Variants in NR2C1 observed in about 807,000 individuals in gnomAD.
NR2C1 encodes the protein nuclear receptor subfamily 2 group C member 1.
A neutral mutation model predicts 74.8 loss-of-function variants in NR2C1; 33 were observed. The ratio of observed to expected loss-of-function variants is 0.44; its 90% CI spans 0.33 to 0.59. The LOEUF is 0.59. Among genes scored for constraint, NR2C1 ranks in the 20% least tolerant of loss-of-function variants. The pLI is 0.02. For synonymous variants in NR2C1, 225 were observed against 240.6 expected (o/e 0.94, Z 0.60); for missense variants, 568 against 715.6 (o/e 0.79, Z 2.35).
At position 95,022,032 on chromosome 12, in the gene NR2C1, G is replaced by C. The variant is rs1868826455; in HGVS notation, c.*197C>G. On this transcript the variant is annotated 3_prime_UTR_variant, in exon 14 of 14. Transcript: ENST00000333003. ...TTTCATATTCATTTAAAGGAATCAG[G>C]AAGAAAAATTCATTTAATTTCTGCT... 2 of 442,652 alleles carry C rather than the reference G, an allele frequency of 4.5e-6. No homozygotes were observed. The highest frequency in any genetic ancestry group is 7.9e-6 in the Non-Finnish European group (2 of 254,746). The allele number at this position is 442,652 out of a possible 1,614,324, so 27.4% of individuals were successfully genotyped here. A position where few individuals can be genotyped will look rare whatever the true frequency, so the allele number is the denominator to read the frequency against.
rs185450226 is a variant in NR2C1, at chr12:95,054,453, T to G, written c.784-2510A>C. 1.0e-3 allele frequency among the ~76,000 whole-genome samples: 157 copies of G among 152,170 alleles called. 1 individual carries two copies. The highest frequency in any genetic ancestry group is 3.7e-3 in the African/African-American group (153 of 41,534). ...TCCCAAACAGCTGGGACTACAGGCA[T>G]GTACCACCATGCCTGGGTAATTTTT... On this transcript the variant is annotated intron_variant, in intron 7 of 13. Coordinates refer to ENST00000333003, the MANE Select transcript of NR2C1 (RefSeq NM_003297.4).
intron 2 of NR2C1, among the ~76,000 whole-genome samples, chr12:95,065,311 T>C (rs1875503253): frequency 2.6e-5 from 4 of 152,098 alleles, no homozygotes; most frequent in Admixed American, 2.6e-4. Flanking sequence ...GCCTCCTGAG[T>C]AGCTGGGATT....
At chr12:95,057,922 C>T (rs200270347) in intron 5 of NR2C1, 44 bp from the exon 6 acceptor site, 8 of 1,539,332 alleles carry the variant, frequency 5.2e-6, no homozygotes, top group Non-Finnish European at 7.2e-6. Flanking sequence ...ATAGGATTTA[C>T]AGACAATTAG....
intron 1 of NR2C1, chr12:95,072,720 A>C (rs1045185681): frequency 6.6e-6 from 1 of 152,278 alleles, no homozygotes; most frequent in African/African-American, 2.4e-5. Flanking sequence ...ATTTCTTAAC[A>C]AAAGAGCTAT....
At chr12:95,056,086 T>C (rs919571080) in intron 7 of NR2C1, among the ~76,000 whole-genome samples, 23 of 150,346 alleles carry the variant, frequency 1.5e-4, no homozygotes, top group Non-Finnish European at 3.4e-4. Context: ...GGTAACACAA[T>C]GAAACTCGGT....
chr12:95,036,294 CG>C (rs1451782314), intron 10 of NR2C1, among the ~76,000 whole-genome samples: 1 of 138,988 alleles, frequency 7.2e-6, no homozygotes, highest in Admixed American at 7.0e-5. Context: ...AAAAAAAGGC[CG>C]GATATGATGG....
Position 95,067,362 on chromosome 12 carries a change from G to A in NR2C1, c.23C>T (p.Ala8Val). 1 of 1,613,640 alleles carries A rather than the reference G, an allele frequency of 6.2e-7. No individual in the cohort carries two copies. Among genetic ancestry groups the A allele is most frequent in the Non-Finnish European group, 8.5e-7 (1 of 1,179,688 alleles). The change falls in exon 2 of 14, where the codon GCA (alanine) becomes GTA (valine). Residue 8 changes from alanine to valine, a missense_variant. Around this residue, in one of 6 missense-constraint regions of NR2C1, gnomAD observed 128 missense variants for 118.9 expected, o/e 1.08. Transcript: ENST00000333003. The stretch of plus-strand genomic sequence containing the variant: ...CATCTGTTGTTCAATAATTTGATGT[G>A]CAATTTCTTCTATGGTTGCCATGAT... MATIEEI[A>V]HQIIEQQMGE...
chr12:95,033,787 T>C (rs1870454635), intron 10 of NR2C1, among the ~76,000 whole-genome samples: 1 of 152,184 alleles, frequency 6.6e-6, no homozygotes. Context: ...ATGCAGTACA[T>C]GGTACACAGA....
intron 7 of NR2C1, among the ~76,000 whole-genome samples, chr12:95,053,681 GTTT>G (rs550069594): frequency 1.9e-5 from 2 of 103,410 alleles, no homozygotes; most frequent in Non-Finnish European, 3.8e-5. Context: ...TCTTTTTGGT[GTTT>G]TTTTTTTTTT....
chr12:95,042,900 C>T (rs1364993181), intron 9 of NR2C1, among the ~76,000 whole-genome samples: 3 of 142,488 alleles, frequency 2.1e-5, no homozygotes, highest in East Asian at 2.2e-4. Context: ...AGTTCAAGAC[C>T]GGCCTGGGCA....
intron 1 of NR2C1, among the ~76,000 whole-genome samples, chr12:95,072,302 A>G (rs1305070498): frequency 6.6e-6 from 1 of 150,984 alleles, no homozygotes; most frequent in Non-Finnish European, 1.5e-5. Context: ...AAAAACAAAA[A>G]AACTAGCTGG....
intron 7 of NR2C1, among the ~76,000 whole-genome samples, chr12:95,055,295 A>G (rs1272716364): frequency 6.6e-6 from 1 of 152,238 alleles, no homozygotes; most frequent in Non-Finnish European, 1.5e-5. Flanking sequence ...TAGTTTGTCA[A>G]GGAAACCTAG....
rs1468409601 is a variant in NR2C1, at chr12:95,021,970, T to G, written c.*259A>C. On this transcript the variant is annotated 3_prime_UTR_variant, in exon 14 of 14. Transcript: ENST00000333003. Reference sequence around the variant, plus strand: ...GTTTAGATAATCAAGAGGTGACAGCTTCAGGTATCATCTTCACCAAGAATA... The same window carrying G: ...GTTTAGATAATCAAGAGGTGACAGCGTCAGGTATCATCTTCACCAAGAATA... 1 of 280,310 alleles carries G rather than the reference T, an allele frequency of 3.6e-6. No individual in the cohort carries two copies. Among genetic ancestry groups the G allele is most frequent in the African/African-American group, 2.2e-5 (1 of 45,376 alleles). 17.4% of individuals were successfully genotyped at this position (280,310 alleles called of 1,614,324 possible).
chr12:95,073,252 CTCCGCTG>C (rs1251017819), intron 1 of NR2C1, 121 bp downstream of exon 1: 3 of 152,280 alleles, frequency 2.0e-5, no homozygotes, highest in African/African-American at 7.2e-5. Context: ...AACTGAACGG[CTCCGCTG>C]GCCGCAGGAC....
At chr12:95,037,617 C>T (rs756443369) in intron 10 of NR2C1, among the ~76,000 whole-genome samples, 65 of 152,256 alleles carry the variant, frequency 4.3e-4, no homozygotes, top group Non-Finnish European at 2.4e-4. Flanking sequence ...CAATCTTGGC[C>T]GGGCACGGTG....
At chr12:95,067,116 T>C in intron 2 of NR2C1, 1 of 572,018 alleles carries the variant, frequency 1.7e-6, no homozygotes, top group Non-Finnish European at 3.0e-6. Flanking sequence ...AATTTTCTTC[T>C]GTGCTCCCAT....
At chr12:95,037,894 C>CAAAAA (rs988473049) in intron 10 of NR2C1, among the ~76,000 whole-genome samples, 29 of 67,054 alleles carry the variant, frequency 4.3e-4, no homozygotes, top group East Asian at 1.7e-3. Context: ...GCCTCCATCT[C>CAAAAA]AAAAAAAAAA....
intron 1 of NR2C1, among the ~76,000 whole-genome samples, chr12:95,071,562 G>A (rs550658870): frequency 6.6e-6 from 1 of 152,164 alleles, no homozygotes; most frequent in East Asian, 1.9e-4. Flanking sequence ...CCTTCCTTAA[G>A]ATGCGGTGCC....
intron 4 of NR2C1, among the ~76,000 whole-genome samples, chr12:95,059,599 T>A (rs1874436823): frequency 1.3e-5 from 2 of 151,910 alleles, no homozygotes; most frequent in Non-Finnish European, 2.9e-5. Flanking sequence ...TAGCCCCAGC[T>A]CCTTGGGAGG....
Sources: allele counts gnomAD v4.1 joint callset (sites outside exome capture counted in the v4.1 genomes callset), GRCh38; gene constraint gnomAD v4.1.1; regional missense constraint gnomAD v4.1.1; transcripts MANE v1.5; gene names NCBI Gene and HGNC (gene_info 2026-07-23, HGNC 2026-07-21).